NAV3: variants seen among roughly 807,000 people sequenced by gnomAD.
NAV3 encodes neuron navigator 3.
In NAV3, 87 loss-of-function variants were observed where a neutral mutation model predicts 244.7. The observed-to-expected ratio is 0.36, with a 90% CI of 0.30 to 0.42. The LOEUF (loss-of-function observed/expected upper bound fraction) is 0.42, where lower values mean the gene tolerates loss of function less well. Ranked by LOEUF, NAV3 falls within the 20% of genes least tolerant of loss-of-function variation. The probability of loss-of-function intolerance (pLI) is 1.00; values close to 1 mark genes in which losing one functional copy is unlikely to be tolerated. For synonymous variants in NAV3, 1,126 were observed against 1,042.2 expected, an observed-to-expected ratio of 1.08 and a Z score of -1.55; for missense variants, 2,663 against 2,893.3, an observed-to-expected ratio of 0.92 and a Z score of 1.83.
chr12:78,206,547 G>A (rs940321782), intron 39 of NAV3, among the ~76,000 whole-genome samples: 1 of 152,012 alleles, frequency 6.6e-6, no homozygotes, highest in Non-Finnish European at 1.5e-5. Context: ...CTTAGGAAAT[G>A]CCCACAACTT....
intron 2 of NAV3, among the ~76,000 whole-genome samples, chr12:77,676,813 A>T (rs1410859588): frequency 6.6e-6 from 1 of 152,172 alleles, no homozygotes; most frequent in East Asian, 1.9e-4. Flanking sequence ...TGGATTGAGG[A>T]GAAAAGGCCC....
At chr12:77,605,457 T>C (rs920505441) in intron 2 of NAV3, among the ~76,000 whole-genome samples, 7 of 152,144 alleles carry the variant, frequency 4.6e-5, no homozygotes, top group African/African-American at 1.4e-4. Flanking sequence ...GGCCATTTAG[T>C]TGTATTTGTT....
chr12:78,020,164 A>T (rs1221761254), intron 8 of NAV3, among the ~76,000 whole-genome samples: 2 of 152,170 alleles, frequency 1.3e-5, no homozygotes, highest in Non-Finnish European at 2.9e-5. Context: ...CACAACATTT[A>T]ATGATTATGT....
chr12:78,168,537 CA>C (rs1480061928), intron 23 of NAV3, among the ~76,000 whole-genome samples: 1 of 151,620 alleles, frequency 6.6e-6, no homozygotes, highest in Non-Finnish European at 1.5e-5. Flanking sequence ...TTTTATAAGA[CA>C]ATAAGAAAAA....
At chr12:77,810,367 T>C (rs945846177) in intron 2 of NAV3, among the ~76,000 whole-genome samples, 1 of 152,144 alleles carries the variant, frequency 6.6e-6, no homozygotes, top group Non-Finnish European at 1.5e-5. Context: ...GACATGGGGT[T>C]TCACTGTGTT....
intron 23 of NAV3, among the ~76,000 whole-genome samples, chr12:78,165,702 A>G (rs1209610557): frequency 2.0e-5 from 3 of 151,858 alleles, no homozygotes; most frequent in Non-Finnish European, 2.9e-5. Context: ...ACAACTAACC[A>G]TAATTATGAA....
intron 2 of NAV3, among the ~76,000 whole-genome samples, chr12:77,645,536 T>TAAAAAAAAAAAAAAAAAAAAAAA (rs756805711): frequency 3.2e-5 from 2 of 63,010 alleles, no homozygotes; most frequent in African/African-American, 1.5e-4. Flanking sequence ...TCTCTCTCTC[T>TAAAAAAAAAAAAAAAAAAAAAAA]AAAAAAAAAA....
chr12:77,995,554 T>C (rs914801581), intron 6 of NAV3, among the ~76,000 whole-genome samples: 5 of 152,180 alleles, frequency 3.3e-5, no homozygotes, highest in African/African-American at 1.2e-4. Context: ...TAGTATGTGA[T>C]CCTTTGTGTC....
intron 9 of NAV3, among the ~76,000 whole-genome samples, chr12:78,047,366 A>T (rs1881996647): frequency 1.3e-5 from 2 of 152,282 alleles, no homozygotes; most frequent in Non-Finnish European, 2.9e-5. Context: ...GGGTGCCTGT[A>T]GTCCCAGCTA....
intron 2 of NAV3, among the ~76,000 whole-genome samples, chr12:77,606,042 C>G (rs1197131355): frequency 6.6e-6 from 1 of 152,020 alleles, no homozygotes; most frequent in Non-Finnish European, 1.5e-5. Context: ...TTAATTTTTC[C>G]CTCCCAGAAT....
intron 34 of NAV3, among the ~76,000 whole-genome samples, chr12:78,192,313 C>T (rs1439700513): frequency 6.6e-6 from 1 of 152,062 alleles, no homozygotes; most frequent in Non-Finnish European, 1.5e-5. Context: ...AGGGGAAAAG[C>T]ATTGCCAAGC....
chr12:78,162,956 T>TTA (rs1218940943), intron 23 of NAV3, among the ~76,000 whole-genome samples: 6 of 128,580 alleles, frequency 4.7e-5, no homozygotes, highest in Non-Finnish European at 9.6e-5. Context: ...AATATGTAAT[T>TTA]TATATATATA....
intron 39 of NAV3, among the ~76,000 whole-genome samples, chr12:78,209,207 T>G (rs1252718025): frequency 6.6e-6 from 1 of 152,286 alleles, no homozygotes; most frequent in East Asian, 1.9e-4. Flanking sequence ...AAAGGAATTC[T>G]TGCTGAAATT....
intron 2 of NAV3, among the ~76,000 whole-genome samples, chr12:77,648,629 A>G (rs578085739): frequency 1.1e-3 from 172 of 152,254 alleles, no homozygotes; most frequent in Non-Finnish European, 1.8e-3. Context: ...AACTACGAAG[A>G]TATCTGTAAC....
At chr12:78,144,007 C>T (rs1363417528) in intron 20 of NAV3, among the ~76,000 whole-genome samples, 1 of 151,998 alleles carries the variant, frequency 6.6e-6, no homozygotes, top group Non-Finnish European at 1.5e-5. Flanking sequence ...TGAAAGACAG[C>T]CAAGGAAGAT....
intron 2 of NAV3, among the ~76,000 whole-genome samples, chr12:77,639,317 T>C (rs554334302): frequency 6.6e-6 from 1 of 152,288 alleles, no homozygotes; most frequent in South Asian, 2.1e-4. Context: ...ATGAACAAAA[T>C]AGACCCACTC....
chr12:77,901,899 T>A (rs534126834), intron 1 of NAV3, among the ~76,000 whole-genome samples: 2 of 152,070 alleles, frequency 1.3e-5, no homozygotes, highest in South Asian at 4.2e-4. Context: ...CCCAGTACTG[T>A]TTTTCCGGGT....
Position 77,902,076 on chromosome 12 carries a change from A to G in NAV3, c.244-38243A>G, listed in dbSNP as rs1345935852. ...TATATATACATAATTTTCATATCTG[A>G]CATTAAATTTTAATTATAATATGTT... On this transcript the variant is annotated intron_variant, in intron 1 of 39. Transcript: ENST00000397909. Among the ~76,000 whole-genome samples, 3 of 152,206 alleles carry G rather than the reference A, an allele frequency of 2.0e-5. No homozygotes were observed. The East Asian group carries it at 5.8e-4, about 29-fold the overall frequency.
chr12:77,676,006 C>T (rs1456115387), intron 2 of NAV3, among the ~76,000 whole-genome samples: 1 of 152,164 alleles, frequency 6.6e-6, no homozygotes, highest in Non-Finnish European at 1.5e-5. Context: ...CACAGTTCCT[C>T]ACCCACCAGA....
Sources: gnomAD v4.1 joint callset for allele counts (sites outside exome capture counted in the v4.1 genomes callset) on GRCh38, gnomAD v4.1.1 for gene constraint, MANE v1.5 for transcripts, NCBI Gene and HGNC (gene_info 2026-07-23, HGNC 2026-07-21) for gene names.